ANKDD1B: variants seen among roughly 807,000 people sequenced by gnomAD.
ANKDD1B encodes ankyrin repeat and death domain-containing protein 1B.
In ANKDD1B, 57 loss-of-function variants were observed where a neutral mutation model predicts 59.7. The ratio of observed to expected loss-of-function variants is 0.95; its 90% CI spans 0.77 to 1.19. The LOEUF is 1.19. Among genes scored for constraint, ANKDD1B ranks in the 50% most tolerant of loss-of-function variants. ANKDD1B has a pLI of 0.00. For missense variants in ANKDD1B, 602 were observed against 641.9 expected (o/e 0.94, Z 0.67); for synonymous variants, 216 against 239.5 (o/e 0.90, Z 0.91).
At chr5:75,658,872 A>G (rs1480743252) in intron 9 of ANKDD1B, among the ~76,000 whole-genome samples, 1 of 152,196 alleles carries the variant, frequency 6.6e-6, no homozygotes, top group Non-Finnish European at 1.5e-5. Flanking sequence ...TAATATCACC[A>G]CCATCCATCT....
chr5:75,660,566 T>G (rs1396689178), intron 10 of ANKDD1B, among the ~76,000 whole-genome samples: 1 of 152,252 alleles, frequency 6.6e-6, no homozygotes, highest in African/African-American at 2.4e-5. Context: ...AGGACAATTT[T>G]GTTTCTTTCA....
chr5:75,625,486 A>G (rs1012955433), intron 3 of ANKDD1B, among the ~76,000 whole-genome samples, 161 bp from the exon 4 acceptor site: 11 of 151,914 alleles, frequency 7.2e-5, no homozygotes, highest in African/African-American at 2.4e-4. Flanking sequence ...AAGTATAACC[A>G]TTTTTCCCCA....
chr5:75,618,307 C>T (rs913980680), intron 2 of ANKDD1B, among the ~76,000 whole-genome samples: 4 of 152,120 alleles, frequency 2.6e-5, no homozygotes, highest in Non-Finnish European at 4.4e-5. Context: ...GCAATAATCA[C>T]TTTTCCAAGT....
At chr5:75,625,991 C>T in intron 5 of ANKDD1B, 36 bp downstream of exon 5, 1 of 1,404,414 alleles carries the variant, frequency 7.1e-7, no homozygotes, top group South Asian at 1.2e-5. Context: ...CTTGCATACA[C>T]CCCTATCAAA....
At chr5:75,663,337 T>C in intron 10 of ANKDD1B, 57 bp from the exon 11 acceptor site, 1 of 1,308,400 alleles carries the variant, frequency 7.6e-7, no homozygotes, top group Non-Finnish European at 1.1e-6. Flanking sequence ...GTTCCAAAAC[T>C]AGAGCTCCTA....
At chr5:75,626,915 A>G (rs1290096219) in intron 5 of ANKDD1B, among the ~76,000 whole-genome samples, 1 of 152,156 alleles carries the variant, frequency 6.6e-6, no homozygotes, top group Non-Finnish European at 1.5e-5. Context: ...CCAGAATACT[A>G]CACCATAAAA....
In ANKDD1B at chr5:75,625,896, C is replaced by A. The variant is rs747619042; in HGVS notation, c.541C>A (p.Arg181Ser). The A allele has an allele frequency of 2.5e-5, 38 of 1,536,070 alleles. No individual in the cohort carries two copies. The African/African-American group carries it at 4.8e-4, about 19-fold the overall frequency. Residue 181 changes from arginine to serine, a missense_variant, in exon 5 of 14, where the codon CGC becomes AGC. Physicochemically the swap from Arg to Ser is moderately radical, Grantham distance 110. Transcript: ENST00000601380. ...CTTTGCCACTCAGAGCAATCATGTG[C>A]GCATCGTGGAGTATCTTATTCAAGA... ...LHFATQSNHVRIVEYLIQDLH... is the reference protein window; with the variant it reads ...LHFATQSNHVSIVEYLIQDLH...
intron 7 of ANKDD1B, among the ~76,000 whole-genome samples, chr5:75,650,070 T>G (rs1237095276): frequency 6.6e-6 from 1 of 152,228 alleles, no homozygotes; most frequent in African/African-American, 2.4e-5. Flanking sequence ...GTATTGTGAT[T>G]TCAGAGAAAG....
intron 2 of ANKDD1B, among the ~76,000 whole-genome samples, chr5:75,618,446 T>C (rs1353597310): frequency 2.0e-5 from 3 of 152,244 alleles, no homozygotes; most frequent in Non-Finnish European, 4.4e-5. Context: ...TGATATACTT[T>C]AACTTGCAGT....
chr5:75,620,038 C>T (rs899871099), intron 2 of ANKDD1B, among the ~76,000 whole-genome samples: 2 of 152,202 alleles, frequency 1.3e-5, no homozygotes, highest in African/African-American at 4.8e-5. Context: ...ATTGCTACAA[C>T]ATAATGCTAC....
chr5:75,655,749 A>ACTAAAT (rs1355993617), intron 8 of ANKDD1B, among the ~76,000 whole-genome samples: 3 of 152,204 alleles, frequency 2.0e-5, no homozygotes, highest in African/African-American at 7.2e-5. Context: ...GTTTGTTCAC[A>ACTAAAT]CTAAATCCCT....
At chr5:75,664,450 GA>G (rs571771426) in intron 11 of ANKDD1B, among the ~76,000 whole-genome samples, 2 of 152,054 alleles carry the variant, frequency 1.3e-5, no homozygotes, top group Non-Finnish European at 2.9e-5. Flanking sequence ...TTAACAATTG[GA>G]ACTCTGTTTC....
intron 7 of ANKDD1B, among the ~76,000 whole-genome samples, chr5:75,652,013 A>G (rs771182026): frequency 2.0e-5 from 3 of 152,178 alleles, no homozygotes; most frequent in Admixed American, 2.0e-4. Flanking sequence ...CCCAGGGTTC[A>G]TCTGGATTCA....
chr5:75,612,449 C>A (rs895073941), intron 1 of ANKDD1B, among the ~76,000 whole-genome samples: 1 of 144,828 alleles, frequency 6.9e-6, no homozygotes, highest in African/African-American at 2.6e-5. Context: ...CCCACCTCAG[C>A]CTTCCCAGTA....
At chr5:75,614,353 A>T (rs1486063311) in intron 1 of ANKDD1B, among the ~76,000 whole-genome samples, 1 of 152,192 alleles carries the variant, frequency 6.6e-6, no homozygotes, top group African/African-American at 2.4e-5. Context: ...ATGCCTTACC[A>T]TTGCTTTCTT....
At chr5:75,662,398 G>A (rs979710719) in intron 10 of ANKDD1B, among the ~76,000 whole-genome samples, 1 of 152,098 alleles carries the variant, frequency 6.6e-6, no homozygotes, top group Non-Finnish European at 1.5e-5. Flanking sequence ...ATTTATATTG[G>A]TGGGAATCGC....
At chr5:75,667,722 T>G (rs2112036614) in intron 12 of ANKDD1B, among the ~76,000 whole-genome samples, 2 of 152,312 alleles carry the variant, frequency 1.3e-5, no homozygotes, top group South Asian at 4.1e-4. Context: ...TTGAAAACAA[T>G]GAAGCAAACA....
intron 8 of ANKDD1B, among the ~76,000 whole-genome samples, chr5:75,654,272 G>A (rs1350185665): frequency 6.6e-6 from 1 of 152,144 alleles, no homozygotes. Flanking sequence ...CATCTCCTGA[G>A]ACAGAGCCTG....
At chr5:75,643,276 G>C (rs1203070703) in intron 7 of ANKDD1B, among the ~76,000 whole-genome samples, 22 of 68,670 alleles carry the variant, frequency 3.2e-4, no homozygotes, top group Admixed American at 1.9e-4. Flanking sequence ...AGAGAAGAAG[G>C]CTTCAGACGA....
Sources: gnomAD v4.1 joint callset for allele counts (sites outside exome capture counted in the v4.1 genomes callset) on GRCh38, gnomAD v4.1.1 for gene constraint, MANE v1.5 for transcripts, NCBI Gene and HGNC (gene_info 2026-07-23, HGNC 2026-07-21) for gene names.